Variants in CRISP1 observed in about 807,000 individuals in gnomAD.
The protein encoded by CRISP1 is cysteine-rich secretory protein 1.
Under a neutral mutation model 33.1 loss-of-function variants are expected in CRISP1, and 44 were observed. That is an observed-to-expected ratio of 1.33 (90% CI 1.05 to 1.71). The LOEUF is 1.71. Among genes scored for constraint, CRISP1 ranks in the 40% most tolerant of loss-of-function variants. The pLI, the probability that CRISP1 is intolerant of heterozygous loss-of-function variation, is 0.00. For missense variants in CRISP1, 390 were observed against 301.2 expected (o/e 1.29, Z -2.18); for synonymous variants, 103 against 98.7 (o/e 1.04, Z -0.26).
Position 49,835,415 on chromosome 6 carries a change from G to A in CRISP1, c.651C>T (p.Tyr217=). ...AATGGACTTGTATGTCACAGTCGAA[G>A]TATTCATCATAGTAGATGCAGGGGT... ...CTNPCIYYDE[Y]FDCDIQVHYL... is the part of the protein sequence containing the mutation. Residue 217 remains tyrosine, a synonymous_variant, in exon 8 of 8, where the codon TAC becomes TAT. Transcript: ENST00000335847. 1.2e-6 allele frequency: 2 copies of A among 1,613,700 alleles called. No homozygotes were observed. Among genetic ancestry groups the A allele is most frequent in the Middle Eastern group, 1.7e-4 (1 of 6,058 alleles).
At chr6:49,869,312 C>T (rs995504650), upstream of CRISP1, among the ~76,000 whole-genome samples, 1 of 152,102 alleles carries the variant, frequency 6.6e-6, no homozygotes, top group Non-Finnish European at 1.5e-5. Flanking sequence ...ATTGGCCTTT[C>T]CACAGGGCTT....
chr6:49,869,386 G>A (rs985734921), upstream of CRISP1, among the ~76,000 whole-genome samples: 4 of 152,102 alleles, frequency 2.6e-5, no homozygotes, highest in African/African-American at 9.7e-5. Flanking sequence ...ACACAGGAGA[G>A]GCTGCAATGC....
At chr6:49,863,434 G>T (rs1271303054) in intron 1 of CRISP1, among the ~76,000 whole-genome samples, 1 of 152,190 alleles carries the variant, frequency 6.6e-6, no homozygotes, top group African/African-American at 2.4e-5. Context: ...AGAAGAAGAA[G>T]AAGCATTACT....
intron 1 of CRISP1, among the ~76,000 whole-genome samples, chr6:49,863,137 G>A (rs1384431356): frequency 6.6e-6 from 1 of 152,128 alleles, no homozygotes; most frequent in African/African-American, 2.4e-5. Context: ...TAAGAAAGAT[G>A]CAGACCTAAA....
At chr6:49,855,872 A>G (rs1347571870) in intron 2 of CRISP1, among the ~76,000 whole-genome samples, 1 of 152,164 alleles carries the variant, frequency 6.6e-6, no homozygotes, top group Non-Finnish European at 1.5e-5. Context: ...GGCAAATTGG[A>G]ACACATTATT....
intron 7 of CRISP1, among the ~76,000 whole-genome samples, chr6:49,835,843 TG>T (rs1434004639): frequency 6.6e-6 from 1 of 152,214 alleles, no homozygotes; most frequent in African/African-American, 2.4e-5. Flanking sequence ...TTAAAAGTAA[TG>T]TATAGCCAAT....
intron 1 of CRISP1, among the ~76,000 whole-genome samples, chr6:49,859,817 G>A (rs1022657789): frequency 3.3e-5 from 5 of 152,090 alleles, no homozygotes; most frequent in Non-Finnish European, 7.4e-5. Context: ...AAAATACAGA[G>A]TGGCTGAATG....
rs559472730 is a variant in CRISP1, at chr6:49,866,499, C to G, written c.-73G>C. On this transcript the variant is annotated 5_prime_UTR_variant, in exon 1 of 8. Transcript: ENST00000335847. ...CCTTTCTCTATGTAGTGTATTTGTG[C>G]TTTTAAATGACAGTCCACAGGGGAG... The G allele has an allele frequency of 6.6e-6, 1 of 152,180 alleles. No homozygotes were observed. The highest frequency in any genetic ancestry group is 2.4e-5 in the African/African-American group (1 of 41,514). 9.4% of individuals were successfully genotyped at this position (152,180 alleles called of 1,614,324 possible).
At chr6:49,855,281 C>T (rs988226174) in intron 2 of CRISP1, among the ~76,000 whole-genome samples, 7 of 152,054 alleles carry the variant, frequency 4.6e-5, no homozygotes, top group African/African-American at 1.7e-4. Flanking sequence ...AATCATCATT[C>T]GGAGTAAAAA....
At chr6:49,876,889 G>C (rs1164665847) in intron 1 of CRISP1, 2 of 151,978 alleles carry the variant, frequency 1.3e-5, no homozygotes, top group Non-Finnish European at 2.9e-5. Context: ...TGTCAGAAGG[G>C]AAGATAGGGG....
chr6:49,858,684 G>A lies in CRISP1; in HGVS notation c.-2-1282C>T, dbSNP rs372350833. 5.3e-5 allele frequency among the ~76,000 whole-genome samples: 8 copies of A among 151,714 alleles called. No individual in the cohort carries two copies. In the East Asian group the frequency reaches 1.2e-3, roughly 22 times the overall value. On this transcript the variant is annotated intron_variant, in intron 1 of 7. Coordinates refer to ENST00000335847, the MANE Select transcript of CRISP1 (RefSeq NM_001131.3). ...ATAGCCTCACATTTCAAGATTTATC[G>A]TAATATGGTGACACAGATGATGAAA...
chr6:49,855,175 C>T (rs765320481), intron 2 of CRISP1, among the ~76,000 whole-genome samples: 1 of 152,140 alleles, frequency 6.6e-6, no homozygotes, highest in Non-Finnish European at 1.5e-5. Context: ...TGGCTACTGT[C>T]TAGCTTTCAA....
chr6:49,840,826 A>G, intron 6 of CRISP1, 72 bp downstream of exon 6: 1 of 1,236,472 alleles, frequency 8.1e-7, no homozygotes, highest in Non-Finnish European at 1.2e-6. Context: ...ATGCACACAA[A>G]AAAACAATGT....
chr6:49,848,347 T>A (rs1310339748), intron 3 of CRISP1, 48 bp from the exon 4 acceptor site: 4 of 1,107,150 alleles, frequency 3.6e-6, no homozygotes, highest in Non-Finnish European at 4.0e-6. Context: ...AATATTTTCA[T>A]AAGATTCTAA....
At chr6:49,841,394 C>T (rs1336006579) in intron 5 of CRISP1, among the ~76,000 whole-genome samples, 3 of 152,088 alleles carry the variant, frequency 2.0e-5, no homozygotes, top group Non-Finnish European at 4.4e-5. Context: ...CAAAAGGTAG[C>T]GTTGATCATT....
upstream of CRISP1, among the ~76,000 whole-genome samples, chr6:49,866,942 G>A (rs1771813960): frequency 6.6e-6 from 1 of 152,084 alleles, no homozygotes; most frequent in Non-Finnish European, 1.5e-5. Context: ...CAATCTTATG[G>A]AGTTTGGTAA....
intron 3 of CRISP1, among the ~76,000 whole-genome samples, 180 bp from the exon 4 acceptor site, chr6:49,848,479 A>G (rs763750092): frequency 2.6e-5 from 4 of 152,172 alleles, no homozygotes; most frequent in Non-Finnish European, 5.9e-5. Flanking sequence ...TCAATTTATT[A>G]TGTTGGCCCT....
intron 4 of CRISP1, among the ~76,000 whole-genome samples, chr6:49,847,234 A>G (rs1771206506): frequency 6.6e-6 from 1 of 152,160 alleles, no homozygotes; most frequent in Non-Finnish European, 1.5e-5. Context: ...GTTAATTAAA[A>G]AAAGATTCTC....
At chr6:49,837,150 G>A (rs1333568730) in intron 7 of CRISP1, among the ~76,000 whole-genome samples, 1 of 151,982 alleles carries the variant, frequency 6.6e-6, no homozygotes, top group Non-Finnish European at 1.5e-5. Flanking sequence ...ATATCTGCAT[G>A]TCTAGGTCTT....
Sources: gnomAD v4.1 joint callset for allele counts (sites outside exome capture counted in the v4.1 genomes callset) on GRCh38, gnomAD v4.1.1 for gene constraint, MANE v1.5 for transcripts, NCBI Gene and HGNC (gene_info 2026-07-23, HGNC 2026-07-21) for gene names.